Variants in LAMA2 observed in about 807,000 individuals in gnomAD.
The protein encoded by LAMA2 is laminin subunit alpha-2.
Under a neutral mutation model 364.8 loss-of-function variants are expected in LAMA2, and 269 were observed. The observed-to-expected ratio is 0.74, with a 90% CI of 0.67 to 0.82. LAMA2 has a LOEUF of 0.82. Among genes scored for constraint, LAMA2 ranks in the 40% least tolerant of loss-of-function variants. The pLI, the probability that LAMA2 is intolerant of heterozygous loss-of-function variation, is 0.00. For synonymous variants in LAMA2, 1,379 were observed against 1,370.6 expected (o/e 1.01, Z -0.14); for missense variants, 3,807 against 3,873.2 (o/e 0.98, Z 0.45).
intron 1 of LAMA2, among the ~76,000 whole-genome samples, chr6:129,021,467 G>C (rs964906753): frequency 6.6e-6 from 1 of 152,162 alleles, no homozygotes; most frequent in Non-Finnish European, 1.5e-5. Context: ...AACTGATACA[G>C]AAAGTGCACA....
intron 1 of LAMA2, among the ~76,000 whole-genome samples, chr6:129,022,221 G>T (rs1785490427): frequency 6.6e-6 from 1 of 152,138 alleles, no homozygotes; most frequent in Non-Finnish European, 1.5e-5. Flanking sequence ...CCCAACAAAA[G>T]AAAAGAAAGC....
intron 12 of LAMA2, among the ~76,000 whole-genome samples, chr6:129,224,074 T>C (rs1206927758): frequency 6.6e-6 from 1 of 152,194 alleles, no homozygotes; most frequent in Non-Finnish European, 1.5e-5. Context: ...CCTTGTAAGT[T>C]GGATTCCTAG....
intron 10 of LAMA2, among the ~76,000 whole-genome samples, chr6:129,183,825 C>A (rs1459047777): frequency 6.6e-6 from 1 of 151,718 alleles, no homozygotes; most frequent in East Asian, 1.9e-4. Context: ...TCTATCTTAC[C>A]TCTGGTGATG....
intron 33 of LAMA2, among the ~76,000 whole-genome samples, chr6:129,369,139 A>T (rs1777933301): frequency 6.6e-6 from 1 of 152,156 alleles, no homozygotes; most frequent in Non-Finnish European, 1.5e-5. Context: ...GAACAGAGGG[A>T]GGATAAAGCT....
At chr6:129,177,494 T>A (rs917317496) in intron 9 of LAMA2, among the ~76,000 whole-genome samples, 1 of 152,248 alleles carries the variant, frequency 6.6e-6, no homozygotes, top group African/African-American at 2.4e-5. Context: ...TTAATATTTC[T>A]ATTGACACTT....
intron 13 of LAMA2, among the ~76,000 whole-genome samples, chr6:129,251,693 G>T (rs1786256465): frequency 6.6e-6 from 1 of 152,150 alleles, no homozygotes; most frequent in South Asian, 2.1e-4. Flanking sequence ...AGCACTTTGG[G>T]AGGCTGAGGC....
chr6:129,147,264 C>CCT (rs1554226796), intron 6 of LAMA2, among the ~76,000 whole-genome samples: 1 of 125,636 alleles, frequency 8.0e-6, no homozygotes, highest in African/African-American at 2.9e-5. Flanking sequence ...TTAGTTTTTC[C>CCT]TTTTTTTTTT....
chr6:129,016,321 T>C (rs935471123), intron 1 of LAMA2, among the ~76,000 whole-genome samples: 1 of 152,030 alleles, frequency 6.6e-6, no homozygotes, highest in Non-Finnish European at 1.5e-5. Flanking sequence ...GATGTTGCAA[T>C]TCAACTTGTA....
intron 51 of LAMA2, among the ~76,000 whole-genome samples, chr6:129,466,307 A>C (rs1783540226): frequency 6.6e-6 from 1 of 151,908 alleles, no homozygotes; most frequent in South Asian, 2.1e-4. Context: ...GAGACACTTG[A>C]GTCAAACAGA....
At chr6:129,212,909 A>T (rs1421639681) in intron 12 of LAMA2, among the ~76,000 whole-genome samples, 1 of 152,216 alleles carries the variant, frequency 6.6e-6, no homozygotes, top group Non-Finnish European at 1.5e-5. Flanking sequence ...AGCATTTCAA[A>T]TGTTTATTAT....
chr6:129,030,976 CATA>C (rs1786178151), intron 1 of LAMA2, among the ~76,000 whole-genome samples: 1 of 152,042 alleles, frequency 6.6e-6, no homozygotes, highest in Non-Finnish European at 1.5e-5. Flanking sequence ...GACAAAAACT[CATA>C]ATATCTGAGA....
At chr6:129,271,072 A>G (rs1787898885) in intron 17 of LAMA2, among the ~76,000 whole-genome samples, 2 of 152,136 alleles carry the variant, frequency 1.3e-5, no homozygotes, top group South Asian at 2.1e-4. Context: ...ACACACCTAC[A>G]CACAGACACA....
chr6:129,154,821 G>A (rs867431858), intron 8 of LAMA2, 138 bp downstream of exon 8: 71 of 740,908 alleles, frequency 9.6e-5, no homozygotes, highest in African/African-American at 6.0e-4. Flanking sequence ...GGAACATTTC[G>A]TAGTTGAAAC....
chr6:129,401,935 C>A (rs563387318), intron 38 of LAMA2, among the ~76,000 whole-genome samples: 1 of 152,078 alleles, frequency 6.6e-6, no homozygotes, highest in African/African-American at 2.4e-5. Flanking sequence ...GGGCCAGGCA[C>A]GGTGGCTCAT....
rs140388905 is a variant in LAMA2, at chr6:129,159,899, T to C, written c.1206+5216T>C. On this transcript the variant is annotated intron_variant, in intron 8 of 64. Coordinates refer to ENST00000421865, the MANE Select transcript of LAMA2 (RefSeq NM_000426.4). ...CTTTATTCTGTTAACGGGGACAATT[T>C]ATGCAAATTGAATTTTAAAATATGA... 6.9e-3 allele frequency among the ~76,000 whole-genome samples: 1,055 copies of C among 152,336 alleles called. 13 individuals carry two copies. The highest frequency in any genetic ancestry group is 0.039 in the South Asian group (187 of 4,830).
chr6:129,445,692 A>G lies in LAMA2; in HGVS notation c.6300A>G (p.Lys2100=). 6.2e-7 allele frequency: 1 copy of G among 1,614,014 alleles called. No homozygotes were observed. Among genetic ancestry groups the G allele is most frequent in the Non-Finnish European group, 8.5e-7 (1 of 1,179,930 alleles). The change falls in exon 45 of 65, where the codon AAA becomes AAG. Residue 2100 remains lysine, a synonymous_variant. Transcript: ENST00000421865. ...KIIADADATV[K]NLEQEADRLI... is the part of the protein sequence containing the mutation. ...TTGCCGATGCAGATGCCACTGTCAA[A>G]AATTTAGAACAGGAAGCTGACCGGC...
rs1778995412 is a variant in LAMA2, at chr6:129,154,577, A to C, written c.1100A>C (p.Asn367Thr). Reference protein sequence around the residue: ...ENVARRNLSLNIRGKYIGGGV... With the variant: ...ENVARRNLSLTIRGKYIGGGV... ...GTTGCCAGAAGAAATCTGAGTTTGA[A>C]TATACGTGGAAAGTACATTGGAGGG... The change falls in exon 8 of 65, where the codon AAT (asparagine) becomes ACT (threonine). Residue 367 changes from asparagine to threonine, a missense_variant. By Grantham distance (65) the Asn-to-Thr change is moderately conservative. Coordinates refer to ENST00000421865, the MANE Select transcript of LAMA2 (RefSeq NM_000426.4). 1 of 1,613,872 alleles carries C rather than the reference A, an allele frequency of 6.2e-7. No individual in the cohort carries two copies. Among genetic ancestry groups the C allele is most frequent in the Non-Finnish European group, 8.5e-7 (1 of 1,179,862 alleles).
intron 40 of LAMA2, among the ~76,000 whole-genome samples, chr6:129,423,959 A>T (rs1781203392): frequency 6.6e-6 from 1 of 152,118 alleles, no homozygotes; most frequent in African/African-American, 2.4e-5. Context: ...TGGAAAGGTT[A>T]TACTACCTGA....
At chr6:128,911,916 C>A (rs1477268150) in intron 1 of LAMA2, among the ~76,000 whole-genome samples, 1 of 152,066 alleles carries the variant, frequency 6.6e-6, no homozygotes, top group Admixed American at 6.5e-5. Context: ...TTTCTGTCTG[C>A]CTTCTTTCAC....
Sources: allele counts gnomAD v4.1 joint callset (sites outside exome capture counted in the v4.1 genomes callset), GRCh38; gene constraint gnomAD v4.1.1; transcripts MANE v1.5; gene names NCBI Gene and HGNC (gene_info 2026-07-23, HGNC 2026-07-21).